Variants in GNA14 observed in about 807,000 individuals in gnomAD.
GNA14 encodes the protein guanine nucleotide-binding protein subunit alpha-14.
GNA14 carries 50 observed loss-of-function variants against 42.0 expected under a neutral mutation model. The observed-to-expected ratio is 1.19, with a 90% CI of 0.95 to 1.51. GNA14 has a LOEUF of 1.51. Among genes scored for constraint, GNA14 ranks in the 40% most tolerant of loss-of-function variants. The probability of loss-of-function intolerance (pLI) is 0.00; values close to 1 mark genes in which losing one functional copy is unlikely to be tolerated. For missense variants in GNA14, 473 were observed against 446.2 expected, an observed-to-expected ratio of 1.06 and a Z score of -0.54; for synonymous variants, 173 against 163.1, an observed-to-expected ratio of 1.06 and a Z score of -0.46.
chr9:77,614,969 C>A (rs1187598480), intron 1 of GNA14, among the ~76,000 whole-genome samples: 6 of 152,138 alleles, frequency 3.9e-5, no homozygotes, highest in Non-Finnish European at 8.8e-5. Context: ...CAGCTTGCCT[C>A]CTAAAGGGTT....
intron 1 of GNA14, among the ~76,000 whole-genome samples, chr9:77,585,695 G>A (rs1023267014): frequency 2.0e-5 from 3 of 152,160 alleles, no homozygotes; most frequent in African/African-American, 7.2e-5. Flanking sequence ...CCAGCACAGA[G>A]CAGCACAGGA....
At chr9:77,624,410 T>C (rs1348731813) in intron 1 of GNA14, among the ~76,000 whole-genome samples, 1 of 152,162 alleles carries the variant, frequency 6.6e-6, no homozygotes, top group Non-Finnish European at 1.5e-5. Context: ...AGCACAATGC[T>C]CCAGCTCTGC....
At chr9:77,611,169 A>G (rs1823723970) in intron 1 of GNA14, among the ~76,000 whole-genome samples, 1 of 152,186 alleles carries the variant, frequency 6.6e-6, no homozygotes, top group South Asian at 2.1e-4. Context: ...AGAACTAAGA[A>G]GGGTTGGAGA....
chr9:77,640,981 G>C (rs921062315), intron 1 of GNA14, among the ~76,000 whole-genome samples: 5 of 145,716 alleles, frequency 3.4e-5, no homozygotes, highest in Non-Finnish European at 4.5e-5. Flanking sequence ...GCACCAAAAT[G>C]ATTAAGAACA....
chr9:77,502,227 A>C (rs1836988434), intron 2 of GNA14, among the ~76,000 whole-genome samples: 1 of 152,044 alleles, frequency 6.6e-6, no homozygotes, highest in African/African-American at 2.4e-5. Context: ...TTATCATGGC[A>C]GCTTTAAAAT....
chr9:77,464,371 G>GTGTGTA, intron 2 of GNA14, among the ~76,000 whole-genome samples: 1 of 149,994 alleles, frequency 6.7e-6, no homozygotes, highest in African/African-American at 2.5e-5. Flanking sequence ...GTGTGTGTGT[G>GTGTGTA]TGTGTGTGTG....
chr9:77,613,424 C>G (rs1430481955), intron 1 of GNA14, among the ~76,000 whole-genome samples: 1 of 152,144 alleles, frequency 6.6e-6, no homozygotes, highest in Non-Finnish European at 1.5e-5. Context: ...TTAAAGGATA[C>G]GAAGTTTCAG....
At chr9:77,543,428 C>A (rs1330087191) in intron 1 of GNA14, among the ~76,000 whole-genome samples, 1 of 152,196 alleles carries the variant, frequency 6.6e-6, no homozygotes, top group African/African-American at 2.4e-5. Flanking sequence ...GCATCAGCTC[C>A]AGGGAATGCA....
At chr9:77,504,278 A>C (rs1446422412) in intron 2 of GNA14, among the ~76,000 whole-genome samples, 1 of 152,128 alleles carries the variant, frequency 6.6e-6, no homozygotes, top group Non-Finnish European at 1.5e-5. Flanking sequence ...TCTAAGCCTT[A>C]AATATTTGAT....
At chr9:77,519,359 C>T (rs755807013) in intron 2 of GNA14, among the ~76,000 whole-genome samples, 37 of 151,482 alleles carry the variant, frequency 2.4e-4, no homozygotes, top group Non-Finnish European at 4.1e-4. Context: ...TGCAGTGAGC[C>T]GAGATTGCGC....
chr9:77,525,210 A>T (rs958763273), intron 2 of GNA14, among the ~76,000 whole-genome samples: 3 of 152,236 alleles, frequency 2.0e-5, no homozygotes, highest in African/African-American at 7.2e-5. Context: ...GGGTAGTTCC[A>T]ACAGAGACCA....
At chr9:77,608,907 T>C (rs2210755) in intron 1 of GNA14, among the ~76,000 whole-genome samples, 23,620 of 152,036 alleles carry the variant, frequency 0.16, 3,139 homozygotes, top group African/African-American at 0.36. Flanking sequence ...ATTCCCGGCT[T>C]CTGTTGAAAT....
At chr9:77,561,941 C>G (rs1822889799) in intron 1 of GNA14, among the ~76,000 whole-genome samples, 1 of 152,330 alleles carries the variant, frequency 6.6e-6, no homozygotes, top group South Asian at 2.1e-4. Flanking sequence ...GGAAATCTCT[C>G]CTCTTTTGCT....
chr9:77,635,802 G>C (rs1824176143), intron 1 of GNA14, among the ~76,000 whole-genome samples: 2 of 152,132 alleles, frequency 1.3e-5, no homozygotes, highest in South Asian at 4.1e-4. Flanking sequence ...CTGCCAATTA[G>C]CTACTAATCA....
intron 1 of GNA14, among the ~76,000 whole-genome samples, chr9:77,599,747 A>G (rs1441411957): frequency 2.6e-5 from 4 of 152,156 alleles, no homozygotes; most frequent in Admixed American, 6.5e-5. Context: ...CCTTCAATCT[A>G]TGGCATTTCT....
chr9:77,464,759 C>T (rs1014650805), intron 2 of GNA14, among the ~76,000 whole-genome samples: 6 of 152,118 alleles, frequency 3.9e-5, no homozygotes, highest in African/African-American at 1.2e-4. Flanking sequence ...TCTGAATCCC[C>T]AGTACTGGTG....
At chr9:77,520,404 C>A (rs1837337414) in intron 2 of GNA14, among the ~76,000 whole-genome samples, 1 of 152,194 alleles carries the variant, frequency 6.6e-6, no homozygotes, top group Non-Finnish European at 1.5e-5. Flanking sequence ...TGGGGCACAG[C>A]TCTGCTATGG....
chr9:77,434,671 C>G, intron 2 of GNA14, 149 bp from the exon 3 acceptor site: 1 of 644,808 alleles, frequency 1.6e-6, no homozygotes, highest in Non-Finnish European at 2.7e-6. Context: ...GGGCCGCTCA[C>G]AGCCAAGACA....
intron 1 of GNA14, among the ~76,000 whole-genome samples, chr9:77,614,957 G>T (rs150409931): frequency 0.015 from 2,241 of 152,296 alleles, 28 homozygotes; most frequent in Non-Finnish European, 0.024. Flanking sequence ...GGCAGTAGAA[G>T]CCAGCTTGCC....
Sources: gnomAD v4.1 joint callset for allele counts (sites outside exome capture counted in the v4.1 genomes callset) on GRCh38, gnomAD v4.1.1 for gene constraint, MANE v1.5 for transcripts, NCBI Gene and HGNC (gene_info 2026-07-23, HGNC 2026-07-21) for gene names.